Variants in MFSD6 observed in about 807,000 individuals in gnomAD.
MFSD6 encodes major facilitator superfamily domain-containing protein 6.
Under a neutral mutation model 56.3 loss-of-function variants are expected in MFSD6, and 26 were observed. The ratio of observed to expected loss-of-function variants is 0.46; its 90% CI spans 0.34 to 0.64. The LOEUF is 0.64. Ranked by LOEUF, MFSD6 falls within the 30% of genes least tolerant of loss-of-function variation. MFSD6 has a pLI of 0.01. For synonymous variants in MFSD6, 331 were observed against 366.9 expected, an observed-to-expected ratio of 0.90 and a Z score of 1.12; for missense variants, 750 against 986.2, an observed-to-expected ratio of 0.76 and a Z score of 3.21.
rs1312783163 is a variant in MFSD6 at position 190,462,649 on chromosome 2, C to T, written c.1533-7109C>T. Reference sequence around the variant, plus strand: ...AACAAAGAGTGTAGCAGAGGAACAGCGGGGGACAGGAGGACTAATTATACC... The same window carrying T: ...AACAAAGAGTGTAGCAGAGGAACAGTGGGGGACAGGAGGACTAATTATACC... On this transcript the variant is annotated intron_variant, in intron 3 of 7. Coordinates refer to ENST00000392328, the MANE Select transcript of MFSD6 (RefSeq NM_017694.4). The surrounding 1 kb of genome is among the most constrained non-coding windows in gnomAD (Gnocchi z 5.7). 2.0e-5 allele frequency among the ~76,000 whole-genome samples: 3 copies of T among 151,948 alleles called. No individual in the cohort carries two copies. The highest frequency in any genetic ancestry group is 2.1e-4 in the South Asian group (1 of 4,812).
intron 4 of MFSD6, among the ~76,000 whole-genome samples, chr2:190,482,873 T>TG (rs1467481777): frequency 4.6e-5 from 1 of 21,892 alleles, no homozygotes; most frequent in Non-Finnish European, 1.2e-4. Context: ...ATCATCTTTT[T>TG]TTTTTTTTTT....
intron 4 of MFSD6, among the ~76,000 whole-genome samples, chr2:190,474,626 C>T (rs1574199941): frequency 6.6e-6 from 1 of 152,114 alleles, no homozygotes; most frequent in Non-Finnish European, 1.5e-5. Flanking sequence ...CAGCTGAATT[C>T]GACCAGAGGT....
intron 2 of MFSD6, among the ~76,000 whole-genome samples, chr2:190,421,921 T>C (rs1037669659): frequency 2.0e-5 from 3 of 152,140 alleles, no homozygotes; most frequent in Non-Finnish European, 4.4e-5. Flanking sequence ...CTTCCCACTA[T>C]AGAAGAAACC....
In MFSD6 at chr2:190,417,035, C is replaced by T. The variant is rs1201651658; in HGVS notation, c.-54+1622C>T. On this transcript the variant is annotated intron_variant, in intron 2 of 7. Transcript: ENST00000392328. This position sits in a 1 kb window ranked among gnomAD's most constrained non-coding sequence, Gnocchi z 5.7. ...CTAGATTCCTCCCTCGAGGGGTATACAGTCTTGTTGGGCAAACGAGATATC... is the reference window on the plus strand; with the variant it reads ...CTAGATTCCTCCCTCGAGGGGTATATAGTCTTGTTGGGCAAACGAGATATC... 6.6e-6 allele frequency among the ~76,000 whole-genome samples: 1 copy of T among 151,860 alleles called. No individual in the cohort carries two copies. The highest frequency in any genetic ancestry group is 6.6e-5 in the Admixed American group (1 of 15,248).
Position 190,412,943 on chromosome 2 carries a change from G to A in MFSD6, c.-175-2349G>A, listed in dbSNP as rs954699246. Among the ~76,000 whole-genome samples, 3 of 152,142 alleles carry A rather than the reference G, an allele frequency of 2.0e-5. No individual in the cohort carries two copies. The highest frequency in any genetic ancestry group is 7.2e-5 in the African/African-American group (3 of 41,422). Reference sequence around the variant, plus strand: ...CATTTGTTCAGACAAGTGATGTTTGGTGCAGGGGCCAAAACAGAAAAGCCA... The same window carrying A: ...CATTTGTTCAGACAAGTGATGTTTGATGCAGGGGCCAAAACAGAAAAGCCA... On this transcript the variant is annotated intron_variant, in intron 1 of 7. Coordinates refer to ENST00000392328, the MANE Select transcript of MFSD6 (RefSeq NM_017694.4). This position sits in a 1 kb window ranked among gnomAD's most constrained non-coding sequence, Gnocchi z 4.1.
Position 190,434,419 on chromosome 2 carries a change from A to G in MFSD6, c.-53-1558A>G, listed in dbSNP as rs1375474165. Among the ~76,000 whole-genome samples, 1 of 152,016 alleles carries G rather than the reference A, an allele frequency of 6.6e-6. No homozygotes were observed. Among genetic ancestry groups the G allele is most frequent in the Admixed American group, 6.6e-5 (1 of 15,254 alleles). Reference sequence around the variant, plus strand: ...ATATTGCTAATATCGTATATGAAAAACATTTATTTATTTTATTTTATTTAT... The same window carrying G: ...ATATTGCTAATATCGTATATGAAAAGCATTTATTTATTTTATTTTATTTAT... On this transcript the variant is annotated intron_variant, in intron 2 of 7. Coordinates refer to ENST00000392328, the MANE Select transcript of MFSD6 (RefSeq NM_017694.4). The surrounding 1 kb of genome is among the most constrained non-coding windows in gnomAD (Gnocchi z 4.3).
At chr2:190,478,974 A>G (rs1688505891) in intron 4 of MFSD6, among the ~76,000 whole-genome samples, 1 of 152,184 alleles carries the variant, frequency 6.6e-6, no homozygotes, top group African/African-American at 2.4e-5. Flanking sequence ...CTCATTCTAT[A>G]GCCCCCGCTA....
Position 190,495,150 on chromosome 2 carries a change from A to T in MFSD6, c.1892-2289A>T, listed in dbSNP as rs1018972120. On this transcript the variant is annotated intron_variant, in intron 6 of 7. Coordinates refer to ENST00000392328, the MANE Select transcript of MFSD6 (RefSeq NM_017694.4). The surrounding 1 kb of genome is among the most constrained non-coding windows in gnomAD (Gnocchi z 4.7). ...TAGAACTGATAAATGAATTCAGCAA[A>T]GTTTCAGGATACAAAATTAATGTAC... is the stretch of plus-strand genomic sequence containing the variant. Among the ~76,000 whole-genome samples, 37 of 152,218 alleles carry T rather than the reference A, an allele frequency of 2.4e-4. No homozygotes were observed. Among genetic ancestry groups the T allele is most frequent in the Admixed American group, 2.4e-3 (37 of 15,284 alleles).
At chr2:190,475,191 C>A (rs1688222233) in intron 4 of MFSD6, among the ~76,000 whole-genome samples, 1 of 152,140 alleles carries the variant, frequency 6.6e-6, no homozygotes, top group South Asian at 2.1e-4. Flanking sequence ...TCCTATTCAA[C>A]ATAGTGTTGG....
chr2:190,474,313 C>G (rs572711293), intron 4 of MFSD6, among the ~76,000 whole-genome samples: 1 of 151,564 alleles, frequency 6.6e-6, no homozygotes, highest in African/African-American at 2.4e-5. Context: ...ATTGATAGAC[C>G]GCTAGCAAGA....
Position 190,494,528 on chromosome 2 carries a change from C to A in MFSD6, c.1892-2911C>A, listed in dbSNP as rs1431344162. On this transcript the variant is annotated intron_variant, in intron 6 of 7. Coordinates refer to ENST00000392328, the MANE Select transcript of MFSD6 (RefSeq NM_017694.4). This position sits in a 1 kb window ranked among gnomAD's most constrained non-coding sequence, Gnocchi z 5.7. Reference sequence around the variant, plus strand: ...GCCAGTATCACCCTAATAACAAAACCAGGAAAGGACATAACAAAAAAAGAA... The same window carrying A: ...GCCAGTATCACCCTAATAACAAAACAAGGAAAGGACATAACAAAAAAAGAA... 6.6e-6 allele frequency among the ~76,000 whole-genome samples: 1 copy of A among 152,052 alleles called. No individual in the cohort carries two copies. The highest frequency in any genetic ancestry group is 1.5e-5 in the Non-Finnish European group (1 of 67,996).
Position 190,423,114 on chromosome 2 carries a change from A to G in MFSD6, c.-54+7701A>G, listed in dbSNP as rs760915932. Among the ~76,000 whole-genome samples the G allele has an allele frequency of 2.0e-5, 3 of 152,224 alleles. No individual in the cohort carries two copies. The highest frequency in any genetic ancestry group is 2.9e-5 in the Non-Finnish European group (2 of 68,040). ...TTCACATGTAGTTGTTAGAAATAAT[A>G]GAGCAATGTCCCATGTATCCTGTAC... is the stretch of plus-strand genomic sequence containing the variant. On this transcript the variant is annotated intron_variant, in intron 2 of 7. Coordinates refer to ENST00000392328, the MANE Select transcript of MFSD6 (RefSeq NM_017694.4). The surrounding 1 kb of genome is among the most constrained non-coding windows in gnomAD (Gnocchi z 4.3).
rs536554177 is a variant in MFSD6, at chr2:190,433,264, T to A, written c.-53-2713T>A. 2.4e-4 allele frequency: 36 copies of A among 152,248 alleles called. No homozygotes were observed. The highest frequency in any genetic ancestry group is 8.7e-4 in the African/African-American group (36 of 41,576). 9.4% of individuals were successfully genotyped at this position (152,248 alleles called of 1,614,324 possible). On this transcript the variant is annotated intron_variant, in intron 2 of 7. Coordinates refer to ENST00000392328, the MANE Select transcript of MFSD6 (RefSeq NM_017694.4). The surrounding 1 kb of genome is among the most constrained non-coding windows in gnomAD (Gnocchi z 4.5). ...ACACAAGAAATGTTTCTTTGAATTTTGAGCTCAGGAATTAAATTAATTTAG... is the reference window on the plus strand; with the variant it reads ...ACACAAGAAATGTTTCTTTGAATTTAGAGCTCAGGAATTAAATTAATTTAG...
At position 190,499,118 on chromosome 2, in the gene MFSD6, G is replaced by A. The variant is rs1689880030; in HGVS notation, c.2173-897G>A. Reference sequence around the variant, plus strand: ...AGCCAAGGTCACGCCACTGCACTCCGGCCTAGGCGACAGAGTGAGACTCCG... The same window carrying A: ...AGCCAAGGTCACGCCACTGCACTCCAGCCTAGGCGACAGAGTGAGACTCCG... On this transcript the variant is annotated intron_variant, in intron 7 of 7. Coordinates refer to ENST00000392328, the MANE Select transcript of MFSD6 (RefSeq NM_017694.4). The surrounding 1 kb of genome is among the most constrained non-coding windows in gnomAD (Gnocchi z 6.0). Among the ~76,000 whole-genome samples, 2 of 152,152 alleles carry A rather than the reference G, an allele frequency of 1.3e-5. No homozygotes were observed. The highest frequency in any genetic ancestry group is 3.4e-3 in the Middle Eastern group (1 of 294).
chr2:190,482,886 T>TC (rs1210975692), intron 4 of MFSD6, among the ~76,000 whole-genome samples: 51 of 41,228 alleles, frequency 1.2e-3, no homozygotes, highest in African/African-American at 3.0e-3. Flanking sequence ...TTTTTTTTTT[T>TC]TTTTTTTTTT....
chr2:190,447,414 G>A lies in MFSD6; in HGVS notation c.1532+9853G>A, dbSNP rs1209331286. Among the ~76,000 whole-genome samples, 1 of 152,094 alleles carries A rather than the reference G, an allele frequency of 6.6e-6. No individual in the cohort carries two copies. The highest frequency in any genetic ancestry group is 6.6e-5 in the Admixed American group (1 of 15,260). On this transcript the variant is annotated intron_variant, in intron 3 of 7. Coordinates refer to ENST00000392328, the MANE Select transcript of MFSD6 (RefSeq NM_017694.4). The surrounding 1 kb of genome is among the most constrained non-coding windows in gnomAD (Gnocchi z 4.5). ...AGAGCTTTGGATTTGTTAAAATATGGCATTTATGGATTATTCCTGTACTGC... is the reference window on the plus strand; with the variant it reads ...AGAGCTTTGGATTTGTTAAAATATGACATTTATGGATTATTCCTGTACTGC...
Position 190,462,164 on chromosome 2 carries a change from A to G in MFSD6, c.1533-7594A>G, listed in dbSNP as rs550708742. On this transcript the variant is annotated intron_variant, in intron 3 of 7. Transcript: ENST00000392328. This position sits in a 1 kb window ranked among gnomAD's most constrained non-coding sequence, Gnocchi z 5.7. Reference sequence around the variant, plus strand: ...TTGTATTAATATAATGTGAATATGGATATGAATTGATTCCATATTGAGTAC... The same window carrying G: ...TTGTATTAATATAATGTGAATATGGGTATGAATTGATTCCATATTGAGTAC... 3.0e-4 allele frequency among the ~76,000 whole-genome samples: 46 copies of G among 152,274 alleles called. No homozygotes were observed. Among genetic ancestry groups the G allele is most frequent in the African/African-American group, 1.1e-3 (45 of 41,548 alleles).
rs963570880 is a variant in MFSD6 at position 190,433,147 on chromosome 2, G to A, written c.-53-2830G>A. Among the ~76,000 whole-genome samples, 3 of 151,956 alleles carry A rather than the reference G, an allele frequency of 2.0e-5. No homozygotes were observed. Among genetic ancestry groups the A allele is most frequent in the Non-Finnish European group, 2.9e-5 (2 of 67,974 alleles). ...ATGTTTGGGTGTGTGTGTGTTTATTGTCATTTTAGTGGGTTCAGGGAAGGA... is the reference window on the plus strand; with the variant it reads ...ATGTTTGGGTGTGTGTGTGTTTATTATCATTTTAGTGGGTTCAGGGAAGGA... On this transcript the variant is annotated intron_variant, in intron 2 of 7. Transcript: ENST00000392328. The surrounding 1 kb of genome is among the most constrained non-coding windows in gnomAD (Gnocchi z 4.5).
chr2:190,457,918 C>T lies in MFSD6; in HGVS notation c.1533-11840C>T, dbSNP rs1687126544. Among the ~76,000 whole-genome samples, 3 of 152,298 alleles carry T rather than the reference C, an allele frequency of 2.0e-5. No individual in the cohort carries two copies. In the South Asian group the frequency reaches 6.2e-4, roughly 32 times the overall value. On this transcript the variant is annotated intron_variant, in intron 3 of 7. Coordinates refer to ENST00000392328, the MANE Select transcript of MFSD6 (RefSeq NM_017694.4). This position sits in a 1 kb window ranked among gnomAD's most constrained non-coding sequence, Gnocchi z 5.1. ...TTTGTAAAAGGTTTTCATTTGACCT[C>T]AACCACTGGAAAAGCAAATAGCAAT...
Sources: allele counts gnomAD v4.1 joint callset (sites outside exome capture counted in the v4.1 genomes callset), GRCh38; gene constraint gnomAD v4.1.1; non-coding constraint Gnocchi (gnomAD v3.1); transcripts MANE v1.5; gene names NCBI Gene and HGNC (gene_info 2026-07-23, HGNC 2026-07-21).